Variants in GOT1 observed in about 807,000 individuals in gnomAD.
The protein encoded by GOT1 is aspartate aminotransferase, cytoplasmic.
A neutral mutation model predicts 48.2 loss-of-function variants in GOT1; 25 were observed. The ratio of observed to expected loss-of-function variants is 0.52; its 90% CI spans 0.38 to 0.72. The LOEUF (loss-of-function observed/expected upper bound fraction) is 0.72, where lower values mean the gene tolerates loss of function less well. Ranked by LOEUF, GOT1 falls within the 30% of genes least tolerant of loss-of-function variation. The pLI is 0.00. For missense variants in GOT1, 380 were observed against 520.1 expected (o/e 0.73, Z 2.62); for synonymous variants, 188 against 193.8 (o/e 0.97, Z 0.25).
intron 2 of GOT1, among the ~76,000 whole-genome samples, chr10:99,411,694 T>A (rs2032829887): frequency 1.3e-5 from 2 of 152,208 alleles, no homozygotes; most frequent in Non-Finnish European, 2.9e-5. Context: ...CGAAACTGAA[T>A]GCAAGGGCAG....
At chr10:99,411,589 G>A (rs752844780) in intron 2 of GOT1, among the ~76,000 whole-genome samples, 32 of 152,150 alleles carry the variant, frequency 2.1e-4, no homozygotes, top group Non-Finnish European at 1.9e-4. Flanking sequence ...GCCACCTCCT[G>A]CTCCATTTTT....
chr10:99,399,234 C>A (rs1164251538), intron 8 of GOT1, among the ~76,000 whole-genome samples: 1 of 152,122 alleles, frequency 6.6e-6, no homozygotes, highest in African/African-American at 2.4e-5. Context: ...AGTGTGATGC[C>A]TTTAAAGGTC....
At chr10:99,416,935 G>T (rs1428030128) in intron 2 of GOT1, among the ~76,000 whole-genome samples, 1 of 152,072 alleles carries the variant, frequency 6.6e-6, no homozygotes, top group Non-Finnish European at 1.5e-5. Context: ...AATTCAAGAT[G>T]GATTAAAGAC....
chr10:99,409,038 G>A (rs2032796625), intron 2 of GOT1, among the ~76,000 whole-genome samples: 1 of 152,046 alleles, frequency 6.6e-6, no homozygotes, highest in African/African-American at 2.4e-5. Context: ...GTTGAAGCTA[G>A]GTGATGGATA....
intron 1 of GOT1, among the ~76,000 whole-genome samples, chr10:99,423,149 G>A (rs146973854): frequency 1.2e-3 from 188 of 152,190 alleles, no homozygotes; most frequent in Middle Eastern, 0.01. Context: ...ACAGCCTTAC[G>A]CACTGAGTGT....
intron 2 of GOT1, among the ~76,000 whole-genome samples, chr10:99,408,404 G>A (rs1047970473): frequency 1.6e-4 from 25 of 152,168 alleles, no homozygotes; most frequent in African/African-American, 5.8e-4. Context: ...GAAGAGAAAG[G>A]AAGAAAAAGA....
At chr10:99,411,432 C>A (rs1436454877) in intron 2 of GOT1, among the ~76,000 whole-genome samples, 1 of 152,182 alleles carries the variant, frequency 6.6e-6, no homozygotes, top group African/African-American at 2.4e-5. Context: ...GAAGAAAAAT[C>A]TAAGGGAAGA....
At chr10:99,407,204 T>TGCAC (rs2032772162) in intron 2 of GOT1, among the ~76,000 whole-genome samples, 1 of 136,536 alleles carries the variant, frequency 7.3e-6, no homozygotes, top group Non-Finnish European at 1.6e-5. Flanking sequence ...TGTGTGTGTG[T>TGCAC]GCATGCACGC....
chr10:99,414,966 C>A (rs2032874564), intron 2 of GOT1, among the ~76,000 whole-genome samples: 2 of 150,978 alleles, frequency 1.3e-5, no homozygotes, highest in Admixed American at 1.3e-4. Context: ...ATTTATAGCA[C>A]TAAATGCCCA....
intron 1 of GOT1, among the ~76,000 whole-genome samples, chr10:99,428,721 C>T (rs4919310): frequency 6.6e-6 from 1 of 152,066 alleles, no homozygotes; most frequent in African/African-American, 2.4e-5. Context: ...GTATACATCC[C>T]GCTGCAAAGA....
At chr10:99,408,376 C>T (rs2032788455) in intron 2 of GOT1, among the ~76,000 whole-genome samples, 1 of 152,160 alleles carries the variant, frequency 6.6e-6, no homozygotes, top group South Asian at 2.1e-4. Context: ...CCATGTTGCC[C>T]AATTTGTCTA....
chr10:99,423,902 C>T (rs964951446), intron 1 of GOT1, among the ~76,000 whole-genome samples: 5 of 152,056 alleles, frequency 3.3e-5, no homozygotes, highest in East Asian at 3.9e-4. Context: ...GCAAACCTCC[C>T]GCCTCGGACT....
At chr10:99,417,862 TG>T (rs1203216270) in intron 2 of GOT1, among the ~76,000 whole-genome samples, 2 of 151,944 alleles carry the variant, frequency 1.3e-5, no homozygotes, top group Non-Finnish European at 2.9e-5. Context: ...TGAGAACACT[TG>T]GACACAGGAA....
chr10:99,416,512 A>G (rs758498522), intron 2 of GOT1, among the ~76,000 whole-genome samples: 8 of 152,344 alleles, frequency 5.3e-5, no homozygotes, highest in Non-Finnish European at 7.3e-5. Context: ...AAATGGCCAT[A>G]CTGTACAAGG....
chr10:99,415,600 G>A (rs1334544895), intron 2 of GOT1, among the ~76,000 whole-genome samples: 1 of 152,166 alleles, frequency 6.6e-6, no homozygotes, highest in Non-Finnish European at 1.5e-5. Flanking sequence ...TATGAGGCCA[G>A]CATCATCCTG....
chr10:99,416,710 G>C (rs1343882239), intron 2 of GOT1, among the ~76,000 whole-genome samples: 1 of 152,146 alleles, frequency 6.6e-6, no homozygotes, highest in Non-Finnish European at 1.5e-5. Flanking sequence ...AAAACAGCAT[G>C]GTACTGGTAC....
chr10:99,405,702 C>A, intron 5 of GOT1, 54 bp downstream of exon 5: 1 of 874,902 alleles, frequency 1.1e-6, no homozygotes, highest in Admixed American at 1.7e-5. Flanking sequence ...CTTCTACATA[C>A]ATTAAATAAG....
intron 1 of GOT1, among the ~76,000 whole-genome samples, chr10:99,427,408 G>A (rs529895264): frequency 5.3e-5 from 8 of 152,246 alleles, no homozygotes; most frequent in East Asian, 3.9e-4. Flanking sequence ...AGCTGGGACT[G>A]CAGGCGCCCG....
intron 7 of GOT1, 105 bp downstream of exon 7, chr10:99,403,364 T>C (rs1007030535): frequency 1.1e-6 from 1 of 932,602 alleles, no homozygotes; most frequent in African/African-American, 1.6e-5. Context: ...AGTAATTTTA[T>C]CCTGCTTCTG....
Sources: gnomAD v4.1 joint callset for allele counts (sites outside exome capture counted in the v4.1 genomes callset) on GRCh38, gnomAD v4.1.1 for gene constraint, MANE v1.5 for transcripts, NCBI Gene and HGNC (gene_info 2026-07-23, HGNC 2026-07-21) for gene names.